RBFOX1: variants seen among roughly 807,000 people sequenced by gnomAD.
The protein encoded by RBFOX1 is RNA binding fox-1 homolog 1, also known as RNA binding protein fox-1 homolog 1.
RBFOX1 carries 8 observed loss-of-function variants against 57.7 expected under a neutral mutation model. The ratio of observed to expected loss-of-function variants is 0.14; its 90% CI spans 0.08 to 0.25. The LOEUF is 0.25. RBFOX1 is among the 10% of genes least tolerant of loss of function. The pLI is 1.00. For synonymous variants in RBFOX1, 326 were observed against 222.4 expected, an observed-to-expected ratio of 1.47 and a Z score of -4.15; for missense variants, 611 against 548.5, an observed-to-expected ratio of 1.11 and a Z score of -1.14.
rs75886885 is a variant in RBFOX1 at position 5,893,841 on chromosome 16, T to G, written c.351+26506T>G. ...AAATCTCATGTAACCCATAAATATA[T>G]GCACCTGCTATGTACCTACAAAAAT... On this transcript the variant is annotated intron_variant, in intron 4 of 19. Transcript: ENST00000641259. Among the ~76,000 whole-genome samples, 800 of 151,882 alleles carry G rather than the reference T, an allele frequency of 5.3e-3. 7 individuals are homozygous for G. The highest frequency in any genetic ancestry group is 0.018 in the African/African-American group (735 of 41,388).
intron 3 of RBFOX1, among the ~76,000 whole-genome samples, chr16:7,022,872 C>G (rs1597275366): frequency 6.6e-6 from 1 of 152,188 alleles, no homozygotes. Context: ...CTCCAATGTT[C>G]ACACAGCTAG....
At chr16:5,495,909 T>C (rs1052316899) in intron 2 of RBFOX1, among the ~76,000 whole-genome samples, 25 of 152,198 alleles carry the variant, frequency 1.6e-4, no homozygotes, top group African/African-American at 6.0e-4. Flanking sequence ...GCAGATCACC[T>C]GAGGTCAGGA....
intron 2 of RBFOX1, among the ~76,000 whole-genome samples, chr16:6,521,712 G>GA (rs952128044): frequency 9.2e-5 from 14 of 151,372 alleles, no homozygotes; most frequent in East Asian, 1.9e-4. Context: ...ACAACAACAA[G>GA]AAAAAAAAAT....
At chr16:6,312,724 C>T (rs916817334) in intron 1 of RBFOX1, among the ~76,000 whole-genome samples, 1 of 150,764 alleles carries the variant, frequency 6.6e-6, no homozygotes, top group East Asian at 2.0e-4. Context: ...TCCATTCCTT[C>T]CTTCCTTCCT....
At chr16:6,433,952 A>G (rs1004200513) in intron 2 of RBFOX1, among the ~76,000 whole-genome samples, 2 of 151,240 alleles carry the variant, frequency 1.3e-5, no homozygotes, top group Non-Finnish European at 2.9e-5. Context: ...GGTTCAAGCA[A>G]TTTCCATGCC....
rs1197399945 is a variant in RBFOX1, at chr16:7,175,564, C to T, written c.27+123466C>T. 3.9e-5 allele frequency among the ~76,000 whole-genome samples: 6 copies of T among 152,154 alleles called. No individual in the cohort carries two copies. In the South Asian group the frequency reaches 8.3e-4, roughly 21 times the overall value. ...ATGCCACAGGTAGGCACATAGGGCT[C>T]ATAGGCAAAGGATCCCATTTGTGCA... On this transcript the variant is annotated intron_variant, in intron 4 of 15. Transcript: ENST00000550418.
intron 3 of RBFOX1, among the ~76,000 whole-genome samples, chr16:5,772,970 G>C (rs1408798847): frequency 6.6e-6 from 1 of 152,192 alleles, no homozygotes; most frequent in Non-Finnish European, 1.5e-5. Flanking sequence ...TGGGGCTGTA[G>C]CATACCTGGT....
At chr16:7,540,197 G>A (rs751546178) in intron 5 of RBFOX1, among the ~76,000 whole-genome samples, 1 of 152,148 alleles carries the variant, frequency 6.6e-6, no homozygotes, top group African/African-American at 2.4e-5. Flanking sequence ...TCCCAAGCTT[G>A]CGATGTTGCT....
chr16:7,710,776 G>A lies in RBFOX1; in HGVS notation c.*31G>A, dbSNP rs1320523811. 2 of 1,511,404 alleles carry A rather than the reference G, an allele frequency of 1.3e-6. No homozygotes were observed. The highest frequency in any genetic ancestry group is 1.4e-5 in the African/African-American group (1 of 70,070). The allele number at this position is 1,511,404 out of a possible 1,614,324, so 93.6% of individuals were successfully genotyped here. A position where few individuals can be genotyped will look rare whatever the true frequency, so the allele number is the denominator to read the frequency against. ...AAAACCATAAAAACCTTCCAATGTGGGGAGAAAGGAAGCTTTCCGAGGCCT... is the reference window on the plus strand; with the variant it reads ...AAAACCATAAAAACCTTCCAATGTGAGGAGAAAGGAAGCTTTCCGAGGCCT... On this transcript the variant is annotated 3_prime_UTR_variant, in exon 16 of 16. Transcript: ENST00000550418.
chr16:7,591,252 C>G (rs528497656), intron 7 of RBFOX1, among the ~76,000 whole-genome samples: 2 of 152,058 alleles, frequency 1.3e-5, no homozygotes, highest in Admixed American at 6.6e-5. Flanking sequence ...GCTCATAGTC[C>G]CATCGGAAAA....
intron 2 of RBFOX1, among the ~76,000 whole-genome samples, chr16:6,423,598 G>C (rs1432441443): frequency 6.6e-6 from 1 of 152,004 alleles, no homozygotes; most frequent in East Asian, 1.9e-4. Flanking sequence ...CTGAGACTCT[G>C]TCTCAAAATA....
chr16:7,695,850 A>G lies in RBFOX1; in HGVS notation c.996-13206A>G, dbSNP rs1050363237. On this transcript the variant is annotated intron_variant, in intron 14 of 15. Transcript: ENST00000550418. ...AGAAAAAAAAATCAACATGCTTAAA[A>G]TCTCAGTGTGGGGTTTGATGGATGT... is the stretch of plus-strand genomic sequence containing the variant. Among the ~76,000 whole-genome samples, 5 of 152,196 alleles carry G rather than the reference A, an allele frequency of 3.3e-5. 1 individual carries two copies.
intron 1 of RBFOX1, among the ~76,000 whole-genome samples, chr16:6,182,961 C>T (rs759587572): frequency 2.0e-5 from 3 of 151,830 alleles, no homozygotes; most frequent in African/African-American, 4.8e-5. Context: ...TAGTATGGGG[C>T]GAAGGATGAA....
chr16:7,662,270 A>T lies in RBFOX1; in HGVS notation c.891-2659A>T, dbSNP rs149208020. 2.6e-3 allele frequency among the ~76,000 whole-genome samples: 395 copies of T among 152,300 alleles called. 1 individual carries two copies. The highest frequency in any genetic ancestry group is 8.8e-3 in the African/African-American group (365 of 41,560). On this transcript the variant is annotated intron_variant, in intron 12 of 15. Coordinates refer to ENST00000550418, the MANE Select transcript of RBFOX1 (RefSeq NM_018723.4). ...ATATCTCATGAAAAATACATTGTTT[A>T]CTTCTAGACTGCTGTCTAGTCTCTT...
At chr16:6,859,184 T>TATAC (rs57442083) in intron 3 of RBFOX1, among the ~76,000 whole-genome samples, 8 of 49,264 alleles carry the variant, frequency 1.6e-4, no homozygotes, top group South Asian at 5.7e-4. Flanking sequence ...TGTATATATA[T>TATAC]GTATATATAT....
intron 3 of RBFOX1, among the ~76,000 whole-genome samples, chr16:6,915,217 C>G (rs545826828): frequency 4.6e-5 from 7 of 152,280 alleles, no homozygotes; most frequent in Non-Finnish European, 8.8e-5. Context: ...CCCTTGTTCT[C>G]CTAGCAGCTG....
At chr16:5,827,461 C>G (rs148131587) in intron 3 of RBFOX1, among the ~76,000 whole-genome samples, 55 of 151,136 alleles carry the variant, frequency 3.6e-4, no homozygotes, top group African/African-American at 1.2e-3. Flanking sequence ...TATTCTACTT[C>G]TACACAGTAG....
chr16:6,161,950 C>A (rs1369711026), intron 1 of RBFOX1, among the ~76,000 whole-genome samples: 1 of 152,184 alleles, frequency 6.6e-6, no homozygotes, highest in African/African-American at 2.4e-5. Flanking sequence ...GCTGGAGGCC[C>A]TCTCAGTCCT....
chr16:7,291,219 C>T (rs562429027), intron 4 of RBFOX1, among the ~76,000 whole-genome samples: 3 of 152,178 alleles, frequency 2.0e-5, no homozygotes, highest in South Asian at 2.1e-4. Context: ...GCATTCAATA[C>T]TGTGCCCTAA....
Sources: allele counts gnomAD v4.1 joint callset (sites outside exome capture counted in the v4.1 genomes callset), GRCh38; gene constraint gnomAD v4.1.1; transcripts MANE v1.5; gene names NCBI Gene and HGNC (gene_info 2026-07-23, HGNC 2026-07-21).